NOL4: variants seen among roughly 807,000 people sequenced by gnomAD.
NOL4 encodes cancer/testis antigen 125.
NOL4 carries 17 observed loss-of-function variants against 75.9 expected under a neutral mutation model. That is an observed-to-expected ratio of 0.22 (90% CI 0.15 to 0.34). NOL4 has a LOEUF of 0.34. Among genes scored for constraint, NOL4 ranks in the 10% least tolerant of loss-of-function variants. The pLI is 1.00. For synonymous variants in NOL4, 292 were observed against 289.9 expected, an observed-to-expected ratio of 1.01 and a Z score of -0.07; for missense variants, 614 against 793.5, an observed-to-expected ratio of 0.77 and a Z score of 2.72.
At chr18:33,964,998 A>AT (rs1338790885) in intron 6 of NOL4, among the ~76,000 whole-genome samples, 3 of 152,148 alleles carry the variant, frequency 2.0e-5, no homozygotes, top group South Asian at 2.1e-4. Flanking sequence ...AGCAAGAGAC[A>AT]TTTTTTGAGA....
At chr18:33,969,253 C>A (rs2070853791) in intron 6 of NOL4, among the ~76,000 whole-genome samples, 1 of 152,098 alleles carries the variant, frequency 6.6e-6, no homozygotes, top group African/African-American at 2.4e-5. Flanking sequence ...TTCATTAATT[C>A]TATTATTTCT....
At chr18:34,046,091 T>C (rs2076351206) in intron 5 of NOL4, among the ~76,000 whole-genome samples, 1 of 152,140 alleles carries the variant, frequency 6.6e-6, no homozygotes, top group African/African-American at 2.4e-5. Flanking sequence ...CCTCTTGCCC[T>C]TTTCTGTACT....
rs78098811 is a variant in NOL4 at position 33,852,435 on chromosome 18, C to CT, written c.*406dup. On this transcript the variant is annotated 3_prime_UTR_variant, in exon 11 of 11. Coordinates refer to ENST00000261592, the MANE Select transcript of NOL4 (RefSeq NM_003787.5). ...AACAAGAAATTTGGCTTTTTTTTTT[C>CT]TTTTTTTTTTTTTTGCCAGGTACTT... is the stretch of plus-strand genomic sequence containing the variant. The CT allele has an allele frequency of 0.047, 5,913 of 125,302 alleles. 253 individuals are homozygous for CT. The highest frequency in any genetic ancestry group is 0.13 in the African/African-American group (4,236 of 33,864). 7.8% of individuals were successfully genotyped at this position (125,302 alleles called of 1,614,324 possible).
chr18:33,908,311 A>G (rs1207993747), intron 9 of NOL4, among the ~76,000 whole-genome samples: 1 of 152,182 alleles, frequency 6.6e-6, no homozygotes, highest in Non-Finnish European at 1.5e-5. Flanking sequence ...CAAGTAGAAA[A>G]ACTTGGACTG....
intron 1 of NOL4, among the ~76,000 whole-genome samples, chr18:34,186,712 C>T (rs1346527545): frequency 1.3e-5 from 2 of 152,180 alleles, no homozygotes; most frequent in East Asian, 3.8e-4. Context: ...ATCATGGTTA[C>T]ATCTTTCATA....
rs754617814 is a variant in NOL4 at position 34,143,864 on chromosome 18, C to CAAA, written c.265-13847_265-13845dup. ...TGGGCAAAAGAGCAAAACTCCATCTCAAAAAAAAAAAAAAAAAAAAAACCT... is the reference window on the plus strand; with the variant it reads ...TGGGCAAAAGAGCAAAACTCCATCTCAAAAAAAAAAAAAAAAAAAAAAAAACCT... On this transcript the variant is annotated intron_variant, in intron 1 of 10. Coordinates refer to ENST00000261592, the MANE Select transcript of NOL4 (RefSeq NM_003787.5). Among the ~76,000 whole-genome samples the CAAA allele has an allele frequency of 5.8e-3, 383 of 65,906 alleles. 2 individuals carry two copies. The highest frequency in any genetic ancestry group is 0.018 in the African/African-American group (361 of 19,564). The allele number at this position is 65,906 out of a possible 152,430, so 43.2% of individuals were successfully genotyped here.
At chr18:33,919,320 C>T (rs2066900445) in intron 9 of NOL4, among the ~76,000 whole-genome samples, 1 of 152,114 alleles carries the variant, frequency 6.6e-6, no homozygotes, top group Non-Finnish European at 1.5e-5. Context: ...CCCTTTCCTC[C>T]TTGTGAGTGG....
intron 5 of NOL4, among the ~76,000 whole-genome samples, chr18:34,032,294 C>T (rs1472359523): frequency 6.6e-6 from 1 of 152,174 alleles, no homozygotes; most frequent in Non-Finnish European, 1.5e-5. Flanking sequence ...CTGCTGCCCA[C>T]AACCTGAGCA....
At chr18:34,078,375 G>T (rs1251356331) in intron 5 of NOL4, among the ~76,000 whole-genome samples, 2 of 152,076 alleles carry the variant, frequency 1.3e-5, no homozygotes, top group Non-Finnish European at 2.9e-5. Context: ...TATTAGTAAA[G>T]ACAATTGTCA....
Position 34,223,327 on chromosome 18 carries a change from T to C in NOL4, c.-74A>G, listed in dbSNP as rs1242215523. 5.8e-6 allele frequency: 9 copies of C among 1,552,476 alleles called. No homozygotes were observed. The East Asian group carries it at 1.8e-4, about 31-fold the overall frequency. ...CTGTTCACCCTAGGCTCATGAAAAATGCAGCCCCGGCCACGTTGCAGGGAT... is the reference window on the plus strand; with the variant it reads ...CTGTTCACCCTAGGCTCATGAAAAACGCAGCCCCGGCCACGTTGCAGGGAT... On this transcript the variant is annotated 5_prime_UTR_variant, in exon 1 of 11. Transcript: ENST00000261592.
At chr18:34,039,030 G>A (rs1282278775) in intron 5 of NOL4, among the ~76,000 whole-genome samples, 1 of 152,000 alleles carries the variant, frequency 6.6e-6, no homozygotes, top group Non-Finnish European at 1.5e-5. Context: ...GAAGTATTAT[G>A]TATCAATAAA....
At chr18:34,096,873 A>G (rs939145447) in intron 4 of NOL4, among the ~76,000 whole-genome samples, 5 of 152,176 alleles carry the variant, frequency 3.3e-5, no homozygotes, top group African/African-American at 7.2e-5. Flanking sequence ...TTTTATTTCT[A>G]TCTTCAGAAG....
intron 1 of NOL4, among the ~76,000 whole-genome samples, chr18:34,142,674 C>G (rs982408468): frequency 6.6e-6 from 1 of 151,862 alleles, no homozygotes; most frequent in Non-Finnish European, 1.5e-5. Context: ...CACACTGGGG[C>G]CTGTTGTGGG....
intron 5 of NOL4, among the ~76,000 whole-genome samples, chr18:34,040,325 C>T (rs1346458148): frequency 6.6e-6 from 1 of 151,718 alleles, no homozygotes; most frequent in Non-Finnish European, 1.5e-5. Context: ...ATATACTTCA[C>T]ATGAATATGT....
intron 1 of NOL4, among the ~76,000 whole-genome samples, chr18:34,176,931 G>A (rs1020776783): frequency 2.6e-5 from 4 of 152,044 alleles, no homozygotes; most frequent in Non-Finnish European, 5.9e-5. Context: ...AGCAATAAGA[G>A]AGAAGTAACT....
intron 10 of NOL4, among the ~76,000 whole-genome samples, chr18:33,879,979 G>A (rs941883562): frequency 1.3e-5 from 2 of 151,976 alleles, no homozygotes; most frequent in African/African-American, 4.8e-5. Context: ...AGCTAGTCAT[G>A]ATAGTACCTT....
chr18:33,946,477 G>A (rs538318346), intron 8 of NOL4, among the ~76,000 whole-genome samples: 16 of 151,864 alleles, frequency 1.1e-4, no homozygotes, highest in African/African-American at 3.6e-4. Flanking sequence ...ATGCAGCGAT[G>A]TATGTGGAAA....
intron 9 of NOL4, among the ~76,000 whole-genome samples, chr18:33,913,008 T>C (rs1035077689): frequency 2.6e-5 from 4 of 152,120 alleles, no homozygotes; most frequent in African/African-American, 9.6e-5. Flanking sequence ...TATCTCATTA[T>C]ATCTCTATTT....
chr18:34,171,220 T>C (rs1014678725), intron 1 of NOL4, among the ~76,000 whole-genome samples: 1 of 152,156 alleles, frequency 6.6e-6, no homozygotes, highest in Non-Finnish European at 1.5e-5. Flanking sequence ...TGTTATGAAA[T>C]GTGATGTAGA....
Sources: gnomAD v4.1 joint callset for allele counts (sites outside exome capture counted in the v4.1 genomes callset) on GRCh38, gnomAD v4.1.1 for gene constraint, MANE v1.5 for transcripts, NCBI Gene and HGNC (gene_info 2026-07-23, HGNC 2026-07-21) for gene names.